The following ATRNL1 variants were observed in gnomAD, a reference collection of about 807,000 sequenced individuals.
The protein encoded by ATRNL1 is attractin-like protein 1.
In ATRNL1, 95 loss-of-function variants were observed where a neutral mutation model predicts 182.7. The ratio of observed to expected loss-of-function variants is 0.52; its 90% CI spans 0.44 to 0.62. The LOEUF (loss-of-function observed/expected upper bound fraction) is 0.62. Among genes scored for constraint, ATRNL1 ranks in the 20% least tolerant of loss-of-function variants. The pLI, the probability that ATRNL1 is intolerant of heterozygous loss-of-function variation, is 0.00. For synonymous variants in ATRNL1, 576 were observed against 568.3 expected, an observed-to-expected ratio of 1.01 and a Z score of -0.19; for missense variants, 1,471 against 1,679.5, an observed-to-expected ratio of 0.88 and a Z score of 2.17.
intron 5 of ATRNL1, among the ~76,000 whole-genome samples, chr10:115,134,772 T>A (rs1845426118): frequency 6.6e-6 from 1 of 152,184 alleles, no homozygotes; most frequent in Admixed American, 6.5e-5. Flanking sequence ...TGAACATCAA[T>A]GCAAAAATCC....
At chr10:115,787,530 C>T (rs189293931) in intron 27 of ATRNL1, among the ~76,000 whole-genome samples, 1 of 152,188 alleles carries the variant, frequency 6.6e-6, no homozygotes, top group East Asian at 1.9e-4. Flanking sequence ...TTTTACTTAT[C>T]TTACCTTCAT....
chr10:115,802,331 G>T (rs1949817616), intron 27 of ATRNL1, among the ~76,000 whole-genome samples: 1 of 152,122 alleles, frequency 6.6e-6, no homozygotes, highest in Non-Finnish European at 1.5e-5. Flanking sequence ...GTCTGATTCT[G>T]CCCAGGGAGG....
intron 28 of ATRNL1, among the ~76,000 whole-genome samples, chr10:115,879,311 A>AG (rs1565456553): frequency 0.012 from 1,822 of 151,214 alleles, 80 homozygotes; most frequent in African/African-American, 0.042. Context: ...ATCTCAAAAA[A>AG]AAAAGAAAGA....
intron 26 of ATRNL1, among the ~76,000 whole-genome samples, chr10:115,582,220 T>TAAA (rs781907556): frequency 0.47 from 69,669 of 149,756 alleles, 17,929 homozygotes; most frequent in East Asian, 0.84. Context: ...TGCACGTGTC[T>TAAA]TTATAGCAGC....
At chr10:115,334,206 T>TA (rs1855372343) in intron 18 of ATRNL1, 76 bp from the exon 19 acceptor site, 1 of 995,764 alleles carries the variant, frequency 1.0e-6, no homozygotes, top group Non-Finnish European at 1.4e-6. Context: ...CTTTTTAAGA[T>TA]ACATTCTTTG....
At chr10:115,537,683 G>A (rs1004364926) in intron 25 of ATRNL1, among the ~76,000 whole-genome samples, 2 of 127,650 alleles carry the variant, frequency 1.6e-5, no homozygotes, top group East Asian at 2.1e-4. Context: ...TTTTTTTCCA[G>A]CATTTTTTTG....
At chr10:115,129,237 C>A in intron 4 of ATRNL1, 90 bp from the exon 5 acceptor site, 1 of 865,780 alleles carries the variant, frequency 1.2e-6, no homozygotes, top group South Asian at 1.6e-5. Flanking sequence ...ACATAGGACA[C>A]AGTATAAAAA....
intron 26 of ATRNL1, among the ~76,000 whole-genome samples, chr10:115,640,447 T>C (rs1273900079): frequency 2.6e-5 from 4 of 152,232 alleles, no homozygotes; most frequent in African/African-American, 9.6e-5. Context: ...TGTTGTTTCC[T>C]GACTTTTTAG....
chr10:115,286,512 A>G, intron 15 of ATRNL1, 115 bp downstream of exon 15: 1 of 610,852 alleles, frequency 1.6e-6, no homozygotes, highest in Non-Finnish European at 2.7e-6. Context: ...ATAAAAGTGA[A>G]ATTGATTTCT....
Position 115,948,359 on chromosome 10 carries a change from T to C in ATRNL1, c.*3580T>C, listed in dbSNP as rs139371106. The C allele has an allele frequency of 9.6e-4, 147 of 152,352 alleles. 1 individual carries two copies. The highest frequency in any genetic ancestry group is 3.4e-3 in the African/African-American group (143 of 41,584). 9.4% of individuals were successfully genotyped at this position (152,352 alleles called of 1,614,324 possible). On this transcript the variant is annotated 3_prime_UTR_variant, in exon 29 of 29. Transcript: ENST00000355044. ...AAACTATGATTTGAAAGGTGTCTTA[T>C]ATTTAAAAAAGATTGTAAAATGAAA... is the stretch of plus-strand genomic sequence containing the variant.
intron 25 of ATRNL1, among the ~76,000 whole-genome samples, chr10:115,544,589 C>G (rs1852540593): frequency 6.6e-6 from 1 of 152,180 alleles, no homozygotes; most frequent in African/African-American, 2.4e-5. Flanking sequence ...CTTAGGAGAA[C>G]TCACTCACTA....
intron 27 of ATRNL1, among the ~76,000 whole-genome samples, chr10:115,761,590 A>T (rs1345170179): frequency 1.3e-5 from 2 of 152,196 alleles, no homozygotes; most frequent in African/African-American, 4.8e-5. Context: ...AAGAATTGAG[A>T]TGACTTACAA....
intron 27 of ATRNL1, among the ~76,000 whole-genome samples, chr10:115,817,785 G>A (rs1469420406): frequency 6.9e-6 from 1 of 144,140 alleles, no homozygotes; most frequent in Admixed American, 7.0e-5. Flanking sequence ...TTTTTGGTTT[G>A]TTTTTAATTG....
chr10:115,331,799 G>C (rs1554935165), intron 18 of ATRNL1, among the ~76,000 whole-genome samples: 2 of 152,074 alleles, frequency 1.3e-5, no homozygotes, highest in African/African-American at 4.8e-5. Context: ...GCCCAGCTTT[G>C]ACATGATTGT....
chr10:115,587,819 A>T (rs11197317), intron 26 of ATRNL1, among the ~76,000 whole-genome samples: 72,272 of 151,908 alleles, frequency 0.48, 18,649 homozygotes, highest in East Asian at 0.84. Flanking sequence ...CTTTTAAAGT[A>T]GATGTAAAAA....
chr10:115,672,707 T>G (rs907438805), intron 26 of ATRNL1, among the ~76,000 whole-genome samples: 5 of 152,106 alleles, frequency 3.3e-5, no homozygotes, highest in African/African-American at 1.2e-4. Flanking sequence ...TAATTATCTG[T>G]CATTCATGTC....
chr10:115,557,383 A>G (rs1256039291), intron 26 of ATRNL1, among the ~76,000 whole-genome samples: 1 of 152,100 alleles, frequency 6.6e-6, no homozygotes, highest in Non-Finnish European at 1.5e-5. Flanking sequence ...GAGACATTCA[A>G]ATTTAAGAAG....
chr10:115,783,604 C>T (rs1380652295), intron 27 of ATRNL1, among the ~76,000 whole-genome samples: 1 of 152,158 alleles, frequency 6.6e-6, no homozygotes, highest in Non-Finnish European at 1.5e-5. Context: ...TTTGAGTTTT[C>T]ACATTCAAAT....
intron 18 of ATRNL1, among the ~76,000 whole-genome samples, chr10:115,322,528 T>A (rs1286317466): frequency 6.6e-6 from 1 of 152,022 alleles, no homozygotes; most frequent in Non-Finnish European, 1.5e-5. Context: ...AAATATCAGG[T>A]AATAGAAAAA....
Sources: allele counts gnomAD v4.1 joint callset (sites outside exome capture counted in the v4.1 genomes callset), GRCh38; gene constraint gnomAD v4.1.1; transcripts MANE v1.5; gene names NCBI Gene and HGNC (gene_info 2026-07-23, HGNC 2026-07-21).